BMAL2: variants seen among roughly 807,000 people sequenced by gnomAD.
BMAL2 encodes the protein basic helix-loop-helix ARNT like 2.
the BMAL2 span, among the ~76,000 whole-genome samples, chr12:27,405,147 G>A: frequency 6.3e-4 from 96 of 152,314 alleles, no homozygotes; most frequent in African/African-American, 2.1e-3. Context: ...AAGCCTGCCT[G>A]CCTCTGTAGA....
chr12:27,364,878 C>G, the BMAL2 span, among the ~76,000 whole-genome samples: 2 of 152,146 alleles, frequency 1.3e-5, no homozygotes, highest in South Asian at 4.1e-4. Flanking sequence ...TCTTTAGATA[C>G]TCTGTATTTT....
the BMAL2 span, chr12:27,423,254 GAGAA>G: frequency 1.3e-5 from 2 of 151,204 alleles, no homozygotes; most frequent in South Asian, 2.1e-4. Context: ...GAATTTTCGT[GAGAA>G]AGAATATATC....
the BMAL2 span, among the ~76,000 whole-genome samples, chr12:27,385,183 A>T: frequency 6.6e-6 from 1 of 152,144 alleles, no homozygotes; most frequent in African/African-American, 2.4e-5. Flanking sequence ...GCGTGGTGGC[A>T]TGCGCCTATA....
At chr12:27,376,816 C>T in the BMAL2 span, among the ~76,000 whole-genome samples, 299 of 151,734 alleles carry the variant, frequency 2.0e-3, no homozygotes, top group African/African-American at 6.3e-3. Flanking sequence ...CTGGCTAACA[C>T]GGTGAAACCC....
chr12:27,376,712 C>T, the BMAL2 span, among the ~76,000 whole-genome samples: 5 of 152,114 alleles, frequency 3.3e-5, no homozygotes, highest in Admixed American at 6.5e-5. Flanking sequence ...GTTAGAAACC[C>T]ATCCTCGGCC....
chr12:27,397,082 A>G, the BMAL2 span, among the ~76,000 whole-genome samples: 13 of 151,940 alleles, frequency 8.6e-5, no homozygotes, highest in South Asian at 8.3e-4. Flanking sequence ...TTGTTTATTT[A>G]TTTATTGAGA....
chr12:27,377,888 G>A, the BMAL2 span, among the ~76,000 whole-genome samples: 50 of 152,288 alleles, frequency 3.3e-4, no homozygotes, highest in Admixed American at 7.2e-4. Context: ...ATTGCCGAGG[G>A]TGAATGGTTG....
the BMAL2 span, among the ~76,000 whole-genome samples, chr12:27,367,214 A>G: frequency 6.6e-6 from 1 of 152,020 alleles, no homozygotes; most frequent in Admixed American, 6.6e-5. Flanking sequence ...GTGGTACTGC[A>G]ACAGTGGATC....
chr12:27,348,695 A>G, the BMAL2 span, among the ~76,000 whole-genome samples: 50 of 152,328 alleles, frequency 3.3e-4, no homozygotes, highest in Non-Finnish European at 6.6e-4. Context: ...ATAGAGATTT[A>G]ACTTTTTCTG....
chr12:27,334,830 G>A, the BMAL2 span, among the ~76,000 whole-genome samples: 1 of 152,240 alleles, frequency 6.6e-6, no homozygotes, highest in Admixed American at 6.5e-5. Context: ...ATTTCACAGG[G>A]GTGCTTCTGT....
chr12:27,392,555 T>C, the BMAL2 span, among the ~76,000 whole-genome samples: 2 of 152,004 alleles, frequency 1.3e-5, no homozygotes, highest in African/African-American at 4.8e-5. Flanking sequence ...AGTCAGAATG[T>C]GGTATGTTTT....
At chr12:27,367,715 T>C in the BMAL2 span, among the ~76,000 whole-genome samples, 1 of 152,150 alleles carries the variant, frequency 6.6e-6, no homozygotes, top group Non-Finnish European at 1.5e-5. Context: ...CAATTAGTCT[T>C]TCATTCTGTG....
the BMAL2 span, among the ~76,000 whole-genome samples, chr12:27,413,893 G>T: frequency 6.3e-3 from 962 of 152,250 alleles, 5 homozygotes; most frequent in Non-Finnish European, 0.01. Flanking sequence ...ACTAAGCTGG[G>T]CATGGTGGCA....
the BMAL2 span, among the ~76,000 whole-genome samples, chr12:27,379,714 T>C: frequency 6.6e-6 from 1 of 151,904 alleles, no homozygotes; most frequent in African/African-American, 2.4e-5. Context: ...GCCTGGGAAA[T>C]GAAAGATTGA....
At chr12:27,358,264 A>G in the BMAL2 span, among the ~76,000 whole-genome samples, 364 of 152,276 alleles carry the variant, frequency 2.4e-3, 1 homozygote, top group Non-Finnish European at 3.6e-3. Context: ...AAGAAGATAT[A>G]CAAATGGCCA....
the BMAL2 span, among the ~76,000 whole-genome samples, chr12:27,347,617 T>C: frequency 6.6e-6 from 1 of 152,062 alleles, no homozygotes; most frequent in Non-Finnish European, 1.5e-5. Flanking sequence ...CTAGCTTTTT[T>C]TTAAAAAAAA....
chr12:27,399,661 CT>C, the BMAL2 span, among the ~76,000 whole-genome samples: 2 of 152,120 alleles, frequency 1.3e-5, no homozygotes, highest in Non-Finnish European at 2.9e-5. Flanking sequence ...TGTAATGGAA[CT>C]TTTACCAAAT....
the BMAL2 span, among the ~76,000 whole-genome samples, chr12:27,394,096 T>C: frequency 2.6e-5 from 4 of 152,142 alleles, no homozygotes; most frequent in Non-Finnish European, 5.9e-5. Context: ...TGCATCCCTC[T>C]AAGTTTAAAA....
the BMAL2 span, among the ~76,000 whole-genome samples, chr12:27,375,417 T>C: frequency 6.6e-6 from 1 of 152,198 alleles, no homozygotes; most frequent in South Asian, 2.1e-4. Context: ...CGCAGAAATA[T>C]TCATGTTAGA....
Sources: gnomAD v4.1 joint callset for allele counts (sites outside exome capture counted in the v4.1 genomes callset) on GRCh38, gnomAD v4.1.1 for gene constraint, MANE v1.5 for transcripts, NCBI Gene and HGNC (gene_info 2026-07-23, HGNC 2026-07-21) for gene names.